The following BNIP2 variants were observed in gnomAD, a reference collection of about 807,000 sequenced individuals.
BNIP2 encodes the protein BCL2 interacting protein 2.
In BNIP2, 36 loss-of-function variants were observed where a neutral mutation model predicts 43.4. That is an observed-to-expected ratio of 0.83 (90% CI 0.64 to 1.10). The LOEUF (loss-of-function observed/expected upper bound fraction) is 1.10. Among genes scored for constraint, BNIP2 ranks in the 50% least tolerant of loss-of-function variants. BNIP2 has a pLI of 0.00. For missense variants in BNIP2, 417 were observed against 374.1 expected (o/e 1.11, Z -0.95); for synonymous variants, 146 against 121.0 (o/e 1.21, Z -1.35).
At chr15:59,672,024 C>T (rs913987712) in intron 6 of BNIP2, among the ~76,000 whole-genome samples, 1 of 152,066 alleles carries the variant, frequency 6.6e-6, no homozygotes, top group Non-Finnish European at 1.5e-5. Context: ...TGCAGGGAGC[C>T]GTAGTTGTAC....
chr15:59,673,907 G>A (rs1192336856), intron 5 of BNIP2, among the ~76,000 whole-genome samples: 1 of 151,898 alleles, frequency 6.6e-6, no homozygotes, highest in African/African-American at 2.4e-5. Context: ...TGGCCAACAT[G>A]GCGAAACCCC....
chr15:59,684,401 T>A (rs1013715055), intron 1 of BNIP2, among the ~76,000 whole-genome samples: 11 of 152,234 alleles, frequency 7.2e-5, no homozygotes, highest in African/African-American at 2.4e-4. Context: ...TCTTTACTTA[T>A]TTAGCACTTT....
intron 5 of BNIP2, among the ~76,000 whole-genome samples, chr15:59,674,253 A>G (rs1419822629): frequency 1.4e-5 from 2 of 139,918 alleles, no homozygotes; most frequent in African/African-American, 2.7e-5. Flanking sequence ...CTTCATTTCT[A>G]TTGCTTACAA....
intron 4 of BNIP2, 119 bp downstream of exon 4, chr15:59,679,473 G>A (rs1463025986): frequency 1.7e-6 from 2 of 1,192,150 alleles, no homozygotes; most frequent in Non-Finnish European, 2.3e-6. Context: ...AATATTCAAG[G>A]GTTAGCACAA....
intron 7 of BNIP2, among the ~76,000 whole-genome samples, chr15:59,669,940 A>G (rs1313307478): frequency 3.3e-5 from 5 of 152,270 alleles, no homozygotes; most frequent in Non-Finnish European, 7.3e-5. Context: ...ATATATAATC[A>G]TAAGAGCTAG....
In BNIP2 at chr15:59,684,743, C is replaced by T. The variant is rs188527873; in HGVS notation, c.-57-2229G>A. Reference sequence around the variant, plus strand: ...AAAAGCTTTCTATTATCTTGTCGTACCTTTTTATTGTGTGTTGAAAAACAC... The same window carrying T: ...AAAAGCTTTCTATTATCTTGTCGTATCTTTTTATTGTGTGTTGAAAAACAC... On this transcript the variant is annotated intron_variant, in intron 1 of 9. Coordinates refer to ENST00000607373, the MANE Select transcript of BNIP2 (RefSeq NM_004330.4). 3.2e-3 allele frequency among the ~76,000 whole-genome samples: 486 copies of T among 152,284 alleles called. 2 individuals are homozygous for T. Among genetic ancestry groups the T allele is most frequent in the Middle Eastern group, 0.01 (3 of 294 alleles).
intron 1 of BNIP2, among the ~76,000 whole-genome samples, chr15:59,688,295 A>G (rs1479833880): frequency 6.6e-6 from 1 of 152,234 alleles, no homozygotes; most frequent in Non-Finnish European, 1.5e-5. Context: ...ATTTGTTTCT[A>G]CAATTGCAGA....
At chr15:59,675,497 C>G (rs28395445) in intron 5 of BNIP2, among the ~76,000 whole-genome samples, 12,334 of 151,892 alleles carry the variant, frequency 0.081, 804 homozygotes, top group East Asian at 0.29. Flanking sequence ...GTAATCCCAG[C>G]TACTCGGGAG....
chr15:59,688,682 T>G, intron 1 of BNIP2: 1 of 1,531,002 alleles, frequency 6.5e-7, no homozygotes, highest in Non-Finnish European at 8.8e-7. Flanking sequence ...ATTAAAGCCC[T>G]GATTACTTAT....
intron 4 of BNIP2, 80 bp downstream of exon 4, chr15:59,679,512 C>A: frequency 7.1e-7 from 1 of 1,403,258 alleles, no homozygotes. Context: ...AATATATGAA[C>A]TTTAGAAAGA....
chr15:59,683,338 C>T (rs1467237465), intron 1 of BNIP2, among the ~76,000 whole-genome samples: 1 of 152,186 alleles, frequency 6.6e-6, no homozygotes, highest in Non-Finnish European at 1.5e-5. Context: ...TGCAACAAAA[C>T]AGTGAAAACT....
At chr15:59,680,220 A>C (rs747240936) in intron 3 of BNIP2, 21 bp downstream of exon 3, 2 of 1,502,952 alleles carry the variant, frequency 1.3e-6, no homozygotes, top group East Asian at 2.3e-5. Flanking sequence ...ATTTCAATGA[A>C]AGTAAGTGTC....
rs566496902 is a variant in BNIP2, at chr15:59,661,326, T to C, written c.*2743A>G. 2 of 43,134 alleles carry C rather than the reference T, an allele frequency of 4.6e-5. No homozygotes were observed. Among genetic ancestry groups the C allele is most frequent in the Admixed American group, 3.5e-4 (1 of 2,882 alleles). The allele number at this position is 43,134 out of a possible 1,614,324, so 2.7% of individuals were successfully genotyped here. On this transcript the variant is annotated 3_prime_UTR_variant, in exon 10 of 10. Coordinates refer to ENST00000607373, the MANE Select transcript of BNIP2 (RefSeq NM_004330.4). ...GAATGGGTGACAGAGTGAGTCTCTG[T>C]CTCCAAAAAAAAAAAAAAAAAAAGA...
At chr15:59,672,129 T>G (rs1329105958) in intron 6 of BNIP2, 3 of 152,248 alleles carry the variant, frequency 2.0e-5, no homozygotes, top group Non-Finnish European at 2.9e-5. Context: ...TTTCCCAGTT[T>G]TAAAATGACA....
In BNIP2 at chr15:59,688,994, T is replaced by C. The variant is rs563773993; in HGVS notation, c.-58+141A>G. The C allele has an allele frequency of 6.5e-4, 935 of 1,443,298 alleles. 1 individual carries two copies. The highest frequency in any genetic ancestry group is 8.9e-4 in the South Asian group (61 of 68,330). 89.4% of individuals were successfully genotyped at this position (1,443,298 alleles called of 1,614,324 possible). A position where few individuals can be genotyped will look rare whatever the true frequency, so the allele number is the denominator to read the frequency against. ...GGAAGCACCTCCCGAGCAGGTTCTA[T>C]GGCTCCCCCTACCAAGGGTAACTCT... On this transcript the variant is annotated intron_variant, in intron 1 of 9. Coordinates refer to ENST00000607373, the MANE Select transcript of BNIP2 (RefSeq NM_004330.4).
rs1892755984 is a variant in BNIP2 at position 59,669,310 on chromosome 15, T to G, written c.760A>C (p.Arg254=). ...GGTCTTGTAACAGCCAGAAGTGTTC[T>G]GATAAACCAAGAAGGATGTACAATG... ...LIIVHPSWFI[R]TLLAVTRPFI... is the part of the protein sequence containing the mutation. Residue 254 remains arginine, a synonymous_variant, in exon 8 of 10, where the codon AGA becomes CGA. Transcript: ENST00000607373. The G allele has an allele frequency of 6.4e-7, 1 of 1,556,428 alleles. No individual in the cohort carries two copies. Among genetic ancestry groups the G allele is most frequent in the African/African-American group, 1.4e-5 (1 of 71,898 alleles).
chr15:59,677,040 C>T (rs1893346601), intron 5 of BNIP2: 1 of 1,611,818 alleles, frequency 6.2e-7, no homozygotes, highest in Non-Finnish European at 8.5e-7. Flanking sequence ...CATTGATTCC[C>T]TTGGCATTCA....
intron 1 of BNIP2, among the ~76,000 whole-genome samples, chr15:59,687,730 C>T (rs576651029): frequency 2.0e-5 from 3 of 152,120 alleles, no homozygotes; most frequent in African/African-American, 7.2e-5. Context: ...GTTCCTTCTA[C>T]CAGCATTACT....
At chr15:59,668,199 A>G in intron 9 of BNIP2, 1 of 1,023,946 alleles carries the variant, frequency 9.8e-7, no homozygotes, top group South Asian at 1.5e-5. Context: ...AAAAACTTGA[A>G]AAAAGCTACT....
Sources: allele counts gnomAD v4.1 joint callset (sites outside exome capture counted in the v4.1 genomes callset), GRCh38; gene constraint gnomAD v4.1.1; transcripts MANE v1.5; gene names NCBI Gene and HGNC (gene_info 2026-07-23, HGNC 2026-07-21).